The following DGKB variants were observed in gnomAD, a reference collection of about 807,000 sequenced individuals.
DGKB encodes the protein diacylglycerol kinase beta, also known as 90 kDa diacylglycerol kinase.
DGKB carries 67 observed loss-of-function variants against 114.3 expected under a neutral mutation model. The observed-to-expected ratio is 0.59, with a 90% CI of 0.48 to 0.72. The LOEUF (loss-of-function observed/expected upper bound fraction) is 0.72. DGKB is among the 30% of genes least tolerant of loss of function. The pLI is 0.00. For missense variants in DGKB, 907 were observed against 975.2 expected, an observed-to-expected ratio of 0.93 and a Z score of 0.93; for synonymous variants, 398 against 323.1, an observed-to-expected ratio of 1.23 and a Z score of -2.49.
intron 20 of DGKB, among the ~76,000 whole-genome samples, chr7:14,507,812 GCCAAAAAA>G (rs1240597524): frequency 6.6e-6 from 1 of 152,100 alleles, no homozygotes; most frequent in African/African-American, 2.4e-5. Flanking sequence ...AGGGGAAAGA[GCCAAAAAA>G]ACACGTGAGT....
intron 1 of DGKB, among the ~76,000 whole-genome samples, chr7:14,919,083 C>CACACAA (rs1200444305): frequency 2.3e-5 from 3 of 129,798 alleles, no homozygotes; most frequent in African/African-American, 8.9e-5. Flanking sequence ...CACACACACA[C>CACACAA]ACACACACAC....
At chr7:14,442,014 T>A (rs1279618553) in intron 21 of DGKB, among the ~76,000 whole-genome samples, 2 of 152,014 alleles carry the variant, frequency 1.3e-5, no homozygotes, top group Non-Finnish European at 2.9e-5. Flanking sequence ...TAGCTTTTAA[T>A]TTCCTTCCTC....
Position 14,685,257 on chromosome 7 carries a change from G to A in DGKB, c.817C>T (p.Leu273Phe), listed in dbSNP as rs749533632. Residue 273 changes from leucine to phenylalanine, a missense_variant, in exon 10 of 26, where the codon CTC (leucine) becomes TTC (phenylalanine). Physicochemically the swap from Leu to Phe is conservative, Grantham distance 22. Transcript: ENST00000402815. ...NMLIGVGKQGLCCSFCKYTVH... is the reference protein window; with the variant it reads ...NMLIGVGKQGFCCSFCKYTVH... The stretch of plus-strand genomic sequence containing the variant: ...CAAATGTACTCACAGGAACAGCAGA[G>A]GCCCTGCTTCCCCACGCCAATCAGC... 6.2e-7 allele frequency: 1 copy of A among 1,612,760 alleles called. No individual in the cohort carries two copies. Among genetic ancestry groups the A allele is most frequent in the South Asian group, 1.1e-5 (1 of 91,036 alleles).
At chr7:14,489,343 T>A (rs368843085) in intron 20 of DGKB, among the ~76,000 whole-genome samples, 136 of 152,332 alleles carry the variant, frequency 8.9e-4, no homozygotes, top group African/African-American at 3.1e-3. Flanking sequence ...CATTTCACAG[T>A]AAATTAGATA....
intron 15 of DGKB, among the ~76,000 whole-genome samples, chr7:14,618,784 T>C (rs1807040434): frequency 6.6e-6 from 1 of 151,526 alleles, no homozygotes. Flanking sequence ...AAGATGAATG[T>C]GCTTAACTAT....
rs1237524067 is a variant in DGKB at position 14,421,802 on chromosome 7, G to C, written c.1835+56359C>G. ...GTAATTAGAGATACTTAGACATGTA[G>C]CTAAAGAAAATATACCTCTGGGAGA... is the stretch of plus-strand genomic sequence containing the variant. On this transcript the variant is annotated intron_variant, in intron 21 of 25. Transcript: ENST00000402815. 5.3e-5 allele frequency among the ~76,000 whole-genome samples: 8 copies of C among 152,126 alleles called. No homozygotes were observed. In the South Asian group the frequency reaches 1.0e-3, roughly 20 times the overall value.
intron 25 of DGKB, among the ~76,000 whole-genome samples, chr7:14,159,443 C>G (rs1198686704): frequency 1.3e-5 from 2 of 152,154 alleles, no homozygotes; most frequent in Non-Finnish European, 2.9e-5. Context: ...TATCACAGTT[C>G]AAAGGATCAT....
chr7:14,756,179 A>C (rs988179706), intron 3 of DGKB, among the ~76,000 whole-genome samples: 3 of 152,078 alleles, frequency 2.0e-5, no homozygotes, highest in Non-Finnish European at 2.9e-5. Flanking sequence ...GGAGAAAAAC[A>C]GGTTTTATCT....
At chr7:14,656,753 T>TAC (rs56208974) in intron 13 of DGKB, among the ~76,000 whole-genome samples, 14,159 of 149,254 alleles carry the variant, frequency 0.095, 2,261 homozygotes, top group African/African-American at 0.33. Context: ...ATAGGATATA[T>TAC]ACACACACAC....
intron 5 of DGKB, among the ~76,000 whole-genome samples, chr7:14,730,662 C>T (rs1586052619): frequency 6.6e-6 from 1 of 152,066 alleles, no homozygotes; most frequent in Non-Finnish European, 1.5e-5. Context: ...CCATGGAACT[C>T]TGATTTTATC....
intron 1 of DGKB, among the ~76,000 whole-genome samples, chr7:14,959,038 G>A (rs1341071828): frequency 2.6e-5 from 4 of 152,000 alleles, no homozygotes; most frequent in East Asian, 1.9e-4. Context: ...TTGATTTGGT[G>A]TTTTATATGA....
chr7:14,662,793 C>T (rs1156781653), intron 13 of DGKB, among the ~76,000 whole-genome samples: 1 of 151,666 alleles, frequency 6.6e-6, no homozygotes. Flanking sequence ...AATAGTGTTT[C>T]TATTTATATA....
intron 15 of DGKB, among the ~76,000 whole-genome samples, chr7:14,617,448 T>C (rs544137423): frequency 1.3e-5 from 2 of 151,756 alleles, no homozygotes; most frequent in South Asian, 4.1e-4. Flanking sequence ...CACATCTCTC[T>C]ACTTCCACTG....
At chr7:14,901,056 C>T (rs1782969025) in intron 1 of DGKB, among the ~76,000 whole-genome samples, 1 of 152,096 alleles carries the variant, frequency 6.6e-6, no homozygotes, top group Non-Finnish European at 1.5e-5. Context: ...TTATATTTTA[C>T]TCAGTGATTC....
chr7:14,841,170 C>T (rs753518713), intron 2 of DGKB, 24 bp downstream of exon 2: 4 of 1,581,918 alleles, frequency 2.5e-6, no homozygotes, highest in Admixed American at 3.4e-5. Flanking sequence ...CAAATAATCT[C>T]ATAATATCAA....
intron 21 of DGKB, among the ~76,000 whole-genome samples, chr7:14,399,445 T>A (rs1172675655): frequency 1.3e-5 from 2 of 151,542 alleles, no homozygotes; most frequent in African/African-American, 2.4e-5. Context: ...TGATATTAGT[T>A]AAATTTAGAA....
At position 14,850,106 on chromosome 7, in the gene DGKB, T is replaced by G. The variant is rs116880078; in HGVS notation, c.-187-8656A>C. On this transcript the variant is annotated intron_variant, in intron 1 of 25. Transcript: ENST00000402815. ...TCAAGGAGAGACTAGAAGACACTTTTCAAAAGTTTCTGAGCAATTAAATGA... is the reference window on the plus strand; with the variant it reads ...TCAAGGAGAGACTAGAAGACACTTTGCAAAAGTTTCTGAGCAATTAAATGA... Among the ~76,000 whole-genome samples the G allele has an allele frequency of 8.9e-3, 1,361 of 152,308 alleles. 14 individuals carry two copies. The highest frequency in any genetic ancestry group is 0.031 in the Middle Eastern group (9 of 294).
intron 23 of DGKB, among the ~76,000 whole-genome samples, chr7:14,333,443 A>G (rs1456922519): frequency 2.0e-5 from 3 of 147,694 alleles, no homozygotes; most frequent in African/African-American, 7.6e-5. Flanking sequence ...CCTGGGCAAC[A>G]GAGTGAGACT....
At chr7:14,502,685 G>C (rs1447618353) in intron 20 of DGKB, among the ~76,000 whole-genome samples, 1 of 152,042 alleles carries the variant, frequency 6.6e-6, no homozygotes, top group Admixed American at 6.6e-5. Context: ...AACTTAAATT[G>C]AGGCCTGATT....
Sources: gnomAD v4.1 joint callset for allele counts (sites outside exome capture counted in the v4.1 genomes callset) on GRCh38, gnomAD v4.1.1 for gene constraint, MANE v1.5 for transcripts, NCBI Gene and HGNC (gene_info 2026-07-23, HGNC 2026-07-21) for gene names.